Variants in WWOX observed in about 807,000 individuals in gnomAD.
WWOX encodes the protein WW domain-containing oxidoreductase.
Under a neutral mutation model 46.2 loss-of-function variants are expected in WWOX, and 69 were observed. The ratio of observed to expected loss-of-function variants is 1.49; its 90% CI spans 1.23 to 1.82. WWOX has a LOEUF of 1.82. Ranked by LOEUF, WWOX falls within the 40% of genes most tolerant of loss-of-function variation. The pLI is 0.00. For synonymous variants in WWOX, 359 were observed against 202.6 expected (o/e 1.77, Z -6.56); for missense variants, 919 against 542.6 (o/e 1.69, Z -6.89).
chr16:78,180,356 G>A (rs1403609868), intron 5 of WWOX, among the ~76,000 whole-genome samples: 1 of 150,972 alleles, frequency 6.6e-6, no homozygotes, highest in African/African-American at 2.4e-5. Flanking sequence ...GGGGCATATG[G>A]GTAAATCCAG....
At chr16:78,447,985 G>C (rs547407875) in intron 8 of WWOX, among the ~76,000 whole-genome samples, 34 of 151,994 alleles carry the variant, frequency 2.2e-4, no homozygotes, top group African/African-American at 8.2e-4. Flanking sequence ...TGTATTTTTA[G>C]TGGAGACAGG....
intron 6 of WWOX, among the ~76,000 whole-genome samples, chr16:78,403,492 G>A (rs2151945197): frequency 6.6e-6 from 1 of 152,238 alleles, no homozygotes; most frequent in Admixed American, 6.5e-5. Context: ...GAAATATAAT[G>A]TTAATTTGTA....
intron 8 of WWOX, among the ~76,000 whole-genome samples, chr16:79,120,587 G>T (rs1236664390): frequency 6.6e-6 from 1 of 152,154 alleles, no homozygotes; most frequent in Non-Finnish European, 1.5e-5. Flanking sequence ...CGGTGTTGGA[G>T]CCCAGACGTC....
At chr16:78,872,314 A>G (rs2044145885) in intron 8 of WWOX, among the ~76,000 whole-genome samples, 1 of 152,230 alleles carries the variant, frequency 6.6e-6, no homozygotes, top group Non-Finnish European at 1.5e-5. Flanking sequence ...GCATAAGGAA[A>G]TAATGTAGGG....
intron 8 of WWOX, among the ~76,000 whole-genome samples, chr16:79,097,970 C>T (rs2049111266): frequency 6.6e-6 from 1 of 152,148 alleles, no homozygotes; most frequent in Admixed American, 6.5e-5. Flanking sequence ...TGTGGCAATG[C>T]TTCAAGCCTT....
intron 8 of WWOX, among the ~76,000 whole-genome samples, chr16:78,739,358 A>G (rs1371684294): frequency 2.0e-5 from 3 of 152,190 alleles, no homozygotes; most frequent in African/African-American, 7.2e-5. Flanking sequence ...CATTAGGATC[A>G]TGTTTAGCCA....
chr16:79,026,133 A>G (rs1332653506), intron 8 of WWOX, among the ~76,000 whole-genome samples: 3 of 151,610 alleles, frequency 2.0e-5, no homozygotes, highest in African/African-American at 4.9e-5. Flanking sequence ...TAAGTGCATC[A>G]TGTTAACCTT....
At chr16:78,148,965 G>A (rs2034304857) in intron 4 of WWOX, among the ~76,000 whole-genome samples, 1 of 149,230 alleles carries the variant, frequency 6.7e-6, no homozygotes, top group Admixed American at 6.7e-5. Flanking sequence ...TTCATGCGGT[G>A]TTACTTTCTT....
At chr16:78,208,051 C>A (rs1167725974) in intron 5 of WWOX, among the ~76,000 whole-genome samples, 1 of 152,154 alleles carries the variant, frequency 6.6e-6, no homozygotes. Flanking sequence ...GACCTCAGGT[C>A]ATCCGCCCGC....
At chr16:78,923,084 T>G (rs1424532592) in intron 8 of WWOX, among the ~76,000 whole-genome samples, 1 of 151,414 alleles carries the variant, frequency 6.6e-6, no homozygotes, top group Non-Finnish European at 1.5e-5. Context: ...TGGGTTCAAG[T>G]GATTCTCCTG....
chr16:78,941,734 C>T (rs544735605), intron 8 of WWOX, among the ~76,000 whole-genome samples: 2 of 152,246 alleles, frequency 1.3e-5, no homozygotes, highest in East Asian at 3.9e-4. Flanking sequence ...TTTGAAAAGG[C>T]AGTTAATCGC....
At chr16:78,271,775 T>C (rs866233250) in intron 5 of WWOX, among the ~76,000 whole-genome samples, 5 of 152,160 alleles carry the variant, frequency 3.3e-5, no homozygotes, top group African/African-American at 4.8e-5. Flanking sequence ...GGAGAAGCAG[T>C]TGTAGCATCG....
intron 8 of WWOX, among the ~76,000 whole-genome samples, chr16:78,938,746 C>G (rs939414912): frequency 1.3e-5 from 2 of 151,948 alleles, no homozygotes; most frequent in African/African-American, 2.4e-5. Flanking sequence ...AATGAGTGAG[C>G]AAGATACAGG....
chr16:78,308,790 C>G (rs1441423643), intron 5 of WWOX, among the ~76,000 whole-genome samples: 2 of 152,158 alleles, frequency 1.3e-5, no homozygotes, highest in African/African-American at 4.8e-5. Flanking sequence ...GTGGACTTAT[C>G]TTAACCCAGA....
chr16:78,984,573 G>A (rs1391145029), intron 8 of WWOX, among the ~76,000 whole-genome samples: 1 of 152,184 alleles, frequency 6.6e-6, no homozygotes, highest in Non-Finnish European at 1.5e-5. Context: ...GAGAGTTCTG[G>A]CATCAACTTT....
intron 1 of WWOX, among the ~76,000 whole-genome samples, chr16:78,106,466 A>T (rs115962352): frequency 8.3e-6 from 1 of 120,868 alleles, no homozygotes. Context: ...ATTGTTGCCC[A>T]GGCTGGAGTG....
rs1049502666 is a variant in WWOX at position 78,862,034 on chromosome 16, C to G, written c.1057-349574C>G. Among the ~76,000 whole-genome samples the G allele has an allele frequency of 4.0e-5, 6 of 148,368 alleles. No individual in the cohort carries two copies. The Admixed American group carries it at 4.1e-4, about 10-fold the overall frequency. On this transcript the variant is annotated intron_variant, in intron 8 of 8. Transcript: ENST00000566780. ...ATCTATGTATAGATATAGATACACA[C>G]ATGTATCTATTATATATATAGAGAG...
chr16:78,673,100 G>A (rs2047506045), intron 8 of WWOX, among the ~76,000 whole-genome samples: 1 of 152,216 alleles, frequency 6.6e-6, no homozygotes, highest in South Asian at 2.1e-4. Flanking sequence ...GGGAAATAGG[G>A]TACGCTGAAG....
intron 5 of WWOX, among the ~76,000 whole-genome samples, chr16:78,379,169 T>C (rs1027937053): frequency 2.6e-4 from 40 of 152,248 alleles, no homozygotes; most frequent in African/African-American, 9.2e-4. Flanking sequence ...CTTATTATTT[T>C]TGTTGCTTTT....
Sources: allele counts gnomAD v4.1 joint callset (sites outside exome capture counted in the v4.1 genomes callset), GRCh38; gene constraint gnomAD v4.1.1; transcripts MANE v1.5; gene names NCBI Gene and HGNC (gene_info 2026-07-23, HGNC 2026-07-21).